Variants in DLG2 observed in about 807,000 individuals in gnomAD.
The protein encoded by DLG2 is disks large homolog 2.
Under a neutral mutation model 132.5 loss-of-function variants are expected in DLG2, and 45 were observed. The ratio of observed to expected loss-of-function variants is 0.34; its 90% CI spans 0.27 to 0.44. The LOEUF is 0.44. Ranked by LOEUF, DLG2 falls within the 20% of genes least tolerant of loss-of-function variation. The pLI, the probability that DLG2 is intolerant of heterozygous loss-of-function variation, is 1.00. For missense variants in DLG2, 1,045 were observed against 1,196.9 expected, an observed-to-expected ratio of 0.87 and a Z score of 1.87; for synonymous variants, 424 against 419.6, an observed-to-expected ratio of 1.01 and a Z score of -0.13.
intron 6 of DLG2, among the ~76,000 whole-genome samples, chr11:84,708,820 T>C (rs1384927075): frequency 6.6e-6 from 1 of 151,806 alleles, no homozygotes; most frequent in East Asian, 1.9e-4. Flanking sequence ...TTTTACAAAA[T>C]TCAAAAAAGG....
At chr11:84,235,450 A>T (rs1193814104) in intron 8 of DLG2, among the ~76,000 whole-genome samples, 2 of 152,168 alleles carry the variant, frequency 1.3e-5, no homozygotes, top group Non-Finnish European at 2.9e-5. Flanking sequence ...AGCCTAAGGC[A>T]GAAGGATCAC....
chr11:84,109,729 C>T (rs1456921862), intron 9 of DLG2, among the ~76,000 whole-genome samples: 1 of 152,044 alleles, frequency 6.6e-6, no homozygotes, highest in East Asian at 1.9e-4. Flanking sequence ...TTTTGTAGTC[C>T]CATCAAATCT....
intron 19 of DLG2, among the ~76,000 whole-genome samples, chr11:83,625,210 TC>T (rs2062304292): frequency 6.6e-6 from 1 of 152,062 alleles, no homozygotes; most frequent in South Asian, 2.1e-4. Context: ...ACATGTTGGG[TC>T]CAAGATTGGA....
chr11:83,806,115 C>T (rs7483854), intron 17 of DLG2, among the ~76,000 whole-genome samples: 109,192 of 151,976 alleles, frequency 0.72, 40,639 homozygotes, highest in African/African-American at 0.92. Context: ...TGGCCTTCTC[C>T]CTTGTCCAGG....
At chr11:84,684,446 T>C (rs1045035962) in intron 6 of DLG2, among the ~76,000 whole-genome samples, 3 of 152,164 alleles carry the variant, frequency 2.0e-5, no homozygotes, top group Non-Finnish European at 2.9e-5. Context: ...ACACAGGGTG[T>C]CCAGGGCCTG....
intron 21 of DLG2, among the ~76,000 whole-genome samples, chr11:83,525,396 G>C (rs1189387832): frequency 6.6e-6 from 1 of 152,148 alleles, no homozygotes; most frequent in African/African-American, 2.4e-5. Flanking sequence ...GTTATAAAGT[G>C]TCTCCACGTT....
At chr11:84,984,298 G>C (rs1037145004) in intron 6 of DLG2, among the ~76,000 whole-genome samples, 1 of 152,084 alleles carries the variant, frequency 6.6e-6, no homozygotes, top group Non-Finnish European at 1.5e-5. Flanking sequence ...AGAAACTCTA[G>C]AAGCTAGAAG....
chr11:85,082,350 A>G (rs1415636393), intron 6 of DLG2, among the ~76,000 whole-genome samples: 2 of 152,158 alleles, frequency 1.3e-5, no homozygotes, highest in Non-Finnish European at 2.9e-5. Flanking sequence ...AGGTGCCAAC[A>G]AAAATAGAAG....
chr11:83,666,381 G>C (rs1044713179), intron 18 of DLG2, among the ~76,000 whole-genome samples: 1 of 152,110 alleles, frequency 6.6e-6, no homozygotes, highest in African/African-American at 2.4e-5. Flanking sequence ...ATTGCTGCCT[G>C]AGCTCCACCT....
rs189902898 is a variant in DLG2 at position 85,466,552 on chromosome 11, T to C, written c.40+132105A>G. 1.8e-3 allele frequency among the ~76,000 whole-genome samples: 268 copies of C among 152,288 alleles called. 1 individual carries two copies. The highest frequency in any genetic ancestry group is 6.3e-3 in the African/African-American group (260 of 41,542). On this transcript the variant is annotated intron_variant, in intron 3 of 27. Transcript: ENST00000376104. ...TGGCTAGCCAGTTTTCCCAGCACCA[T>C]TTATTAAATAAGGAATCCTTTCCCT...
intron 19 of DLG2, among the ~76,000 whole-genome samples, chr11:83,575,369 G>A (rs1244389752): frequency 6.6e-6 from 1 of 152,144 alleles, no homozygotes; most frequent in Admixed American, 6.6e-5. Flanking sequence ...GAGAAGCCTG[G>A]CAGACTCTCT....
At chr11:84,186,616 C>A (rs185603803) in intron 8 of DLG2, among the ~76,000 whole-genome samples, 2 of 152,024 alleles carry the variant, frequency 1.3e-5, no homozygotes, top group South Asian at 4.2e-4. Flanking sequence ...ACCTCTAATA[C>A]CCCACAGAGT....
At chr11:83,751,495 A>G (rs1004209206) in intron 18 of DLG2, among the ~76,000 whole-genome samples, 1 of 152,220 alleles carries the variant, frequency 6.6e-6, no homozygotes, top group African/African-American at 2.4e-5. Flanking sequence ...AACCAAGGTG[A>G]CCATTAGGAG....
rs553442778 is a variant in DLG2, at chr11:85,294,904, A to C, written c.41-9539T>G. Reference sequence around the variant, plus strand: ...CAATAAGATGTGCATGAAGGAACACAGTATTTTTGTGGCCCAAATAAGGTC... The same window carrying C: ...CAATAAGATGTGCATGAAGGAACACCGTATTTTTGTGGCCCAAATAAGGTC... On this transcript the variant is annotated intron_variant, in intron 3 of 27. Coordinates refer to ENST00000376104, the MANE Select transcript of DLG2 (RefSeq NM_001142699.3). 1.3e-5 allele frequency among the ~76,000 whole-genome samples: 2 copies of C among 152,296 alleles called. 1 individual carries two copies. The highest frequency in any genetic ancestry group is 4.1e-4 in the South Asian group (2 of 4,828).
At chr11:84,292,864 C>G (rs1478421707) in intron 7 of DLG2, among the ~76,000 whole-genome samples, 16 of 152,032 alleles carry the variant, frequency 1.1e-4, no homozygotes, top group Admixed American at 3.9e-4. Flanking sequence ...GAAGAATTAT[C>G]TTGGGCCACA....
chr11:83,551,391 C>T (rs1320491168), intron 19 of DLG2, among the ~76,000 whole-genome samples: 1 of 152,214 alleles, frequency 6.6e-6, no homozygotes, highest in Non-Finnish European at 1.5e-5. Context: ...GTCCCTAGCT[C>T]AGCAGAGGTG....
chr11:83,532,545 T>C (rs2095780123), intron 21 of DLG2, among the ~76,000 whole-genome samples, 163 bp downstream of exon 21: 1 of 152,150 alleles, frequency 6.6e-6, no homozygotes, highest in South Asian at 2.1e-4. Flanking sequence ...CATAAATCCA[T>C]TTCATCAGAA....
intron 7 of DLG2, among the ~76,000 whole-genome samples, chr11:84,323,247 CTTTGAG>C (rs2098414563): frequency 6.6e-6 from 1 of 152,110 alleles, no homozygotes; most frequent in Non-Finnish European, 1.5e-5. Context: ...CTTTCTATTT[CTTTGAG>C]TTTGACTAGT....
At chr11:83,554,346 T>C (rs1002384182) in intron 19 of DLG2, among the ~76,000 whole-genome samples, 3 of 152,216 alleles carry the variant, frequency 2.0e-5, no homozygotes, top group African/African-American at 7.2e-5. Context: ...ACACTTGTTT[T>C]GCTGTTTACT....
Sources: allele counts gnomAD v4.1 joint callset (sites outside exome capture counted in the v4.1 genomes callset), GRCh38; gene constraint gnomAD v4.1.1; transcripts MANE v1.5; gene names NCBI Gene and HGNC (gene_info 2026-07-23, HGNC 2026-07-21).